Variants in PAFAH1B1 observed in about 807,000 individuals in gnomAD.
PAFAH1B1 encodes platelet activating factor acetylhydrolase 1b regulatory subunit 1.
In PAFAH1B1, 2 loss-of-function variants were observed where a neutral mutation model predicts 57.5. The ratio of observed to expected loss-of-function variants is 0.03; its 90% CI spans 0.01 to 0.11. PAFAH1B1 has a LOEUF of 0.11. PAFAH1B1 is among the 10% of genes least tolerant of loss of function. The pLI is 1.00. For missense variants in PAFAH1B1, 257 were observed against 512.0 expected (o/e 0.50, Z 4.81); for synonymous variants, 152 against 169.6 (o/e 0.90, Z 0.81).
chr17:2,677,510 C>T (rs2069288453), intron 9 of PAFAH1B1, among the ~76,000 whole-genome samples: 1 of 151,530 alleles, frequency 6.6e-6, no homozygotes, highest in Non-Finnish European at 1.5e-5. Flanking sequence ...GATTGTCTCT[C>T]TGTAGGATAT....
At chr17:2,633,961 C>CTTTTT in intron 1 of PAFAH1B1, among the ~76,000 whole-genome samples, 1 of 119,742 alleles carries the variant, frequency 8.4e-6, no homozygotes, top group Non-Finnish European at 1.7e-5. Context: ...AGTACCAAAC[C>CTTTTT]TTTTTTTTTT....
intron 4 of PAFAH1B1, 133 bp from the exon 5 acceptor site, chr17:2,666,859 A>G (rs962945396): frequency 4.7e-6 from 3 of 637,972 alleles, no homozygotes; most frequent in South Asian, 1.9e-5. Flanking sequence ...AAATTTGACA[A>G]ATGCTTTGGA....
At chr17:2,636,663 T>G (rs1348937326) in intron 1 of PAFAH1B1, among the ~76,000 whole-genome samples, 1 of 152,148 alleles carries the variant, frequency 6.6e-6, no homozygotes, top group Non-Finnish European at 1.5e-5. Context: ...CCTCCCAAAG[T>G]GCTAGGTTTG....
At chr17:2,616,919 A>T (rs1009355262) in intron 1 of PAFAH1B1, among the ~76,000 whole-genome samples, 6 of 152,034 alleles carry the variant, frequency 3.9e-5, no homozygotes, top group Non-Finnish European at 8.8e-5. Context: ...AAAAAAAAAA[A>T]AAAATTAGCC....
chr17:2,651,349 G>C (rs1201140476), intron 2 of PAFAH1B1, among the ~76,000 whole-genome samples: 2 of 150,838 alleles, frequency 1.3e-5, no homozygotes, highest in African/African-American at 4.9e-5. Flanking sequence ...GACTGAGGCA[G>C]GCGGAACACC....
At chr17:2,626,925 CT>C in intron 1 of PAFAH1B1, among the ~76,000 whole-genome samples, 1 of 152,170 alleles carries the variant, frequency 6.6e-6, no homozygotes, top group East Asian at 1.9e-4. Context: ...CCTTAGCCAA[CT>C]TTTTGATGGG....
intron 1 of PAFAH1B1, among the ~76,000 whole-genome samples, chr17:2,610,133 G>A (rs1410447354): frequency 6.6e-6 from 1 of 152,174 alleles, no homozygotes; most frequent in Non-Finnish European, 1.5e-5. Flanking sequence ...CAGTAATTTT[G>A]TTTTTAATTG....
rs770011553 is a variant in PAFAH1B1 at position 2,606,810 on chromosome 17, C to CTTTTTTTTTTTT, written c.-191+12820_-191+12831dup. Among the ~76,000 whole-genome samples, 5 of 101,714 alleles carry CTTTTTTTTTTTT rather than the reference C, an allele frequency of 4.9e-5. 2 individuals carry two copies. The highest frequency in any genetic ancestry group is 6.0e-5 in the Non-Finnish European group (3 of 50,330). 66.7% of individuals were successfully genotyped at this position (101,714 alleles called of 152,430 possible). Reference sequence around the variant, plus strand: ...ACATTTTGTCATATTTGCCTCAGAGCTTTTTTTTTTTTTTTTTTTTTTTTT... The same window carrying CTTTTTTTTTTTT: ...ACATTTTGTCATATTTGCCTCAGAGCTTTTTTTTTTTTTTTTTTTTTTTTTTTTTTTTTTTTT... On this transcript the variant is annotated intron_variant, in intron 1 of 10. Transcript: ENST00000397195.
At chr17:2,627,985 T>C (rs955924802) in intron 1 of PAFAH1B1, among the ~76,000 whole-genome samples, 3 of 152,214 alleles carry the variant, frequency 2.0e-5, no homozygotes, top group Admixed American at 1.3e-4. Flanking sequence ...CTGAGGAGTC[T>C]TTAGGGTTTT....
intron 1 of PAFAH1B1, among the ~76,000 whole-genome samples, chr17:2,617,330 G>A (rs187620122): frequency 1.8e-3 from 269 of 152,220 alleles, no homozygotes; most frequent in African/African-American, 5.9e-3. Flanking sequence ...TCGTAAAATA[G>A]GAAACATTTT....
At position 2,680,235 on chromosome 17, in the gene PAFAH1B1, T is replaced by C; in HGVS notation, c.1074T>C (p.Asp358=). ...SGGKFILSCA[D]DKTLRVWDYK... is the part of the protein sequence containing the mutation. ...GGAAGTTTATTTTGAGTTGTGCTGATGACAAGACCCTACGCGTATGGGATT... is the reference window on the plus strand; with the variant it reads ...GGAAGTTTATTTTGAGTTGTGCTGACGACAAGACCCTACGCGTATGGGATT... Residue 358 remains aspartate, a synonymous_variant, in exon 10 of 11, where the codon GAT becomes GAC. Coordinates refer to ENST00000397195, the MANE Select transcript of PAFAH1B1 (RefSeq NM_000430.4). 6.2e-7 allele frequency: 1 copy of C among 1,614,140 alleles called. No homozygotes were observed. The highest frequency in any genetic ancestry group is 8.5e-7 in the Non-Finnish European group (1 of 1,179,964).
rs762381672 is a variant in PAFAH1B1, at chr17:2,680,265, G to A, written c.1104G>A (p.Lys368=). 2 of 1,614,144 alleles carry A rather than the reference G, an allele frequency of 1.2e-6. No homozygotes were observed. Among genetic ancestry groups the A allele is most frequent in the Non-Finnish European group, 8.5e-7 (1 of 1,179,988 alleles). ...DDKTLRVWDY[K]NKRCMKTLNA... ...AGACCCTACGCGTATGGGATTACAA[G>A]AACAAGCGATGCATGAAGACCCTCA... is the stretch of plus-strand genomic sequence containing the variant. Residue 368 remains lysine (K), a synonymous_variant, in exon 10 of 11, where the codon AAG becomes AAA. Transcript: ENST00000397195.
intron 2 of PAFAH1B1, among the ~76,000 whole-genome samples, chr17:2,664,359 C>T (rs546238662): frequency 6.6e-6 from 1 of 151,824 alleles, no homozygotes; most frequent in East Asian, 1.9e-4. Flanking sequence ...TCTCCTGCCT[C>T]AGCTTCCCAA....
In PAFAH1B1 at chr17:2,681,944, TACAC is replaced by T; in HGVS notation, c.*146_*149del. The T allele has an allele frequency of 9.3e-6, 6 of 646,776 alleles. No homozygotes were observed. Among genetic ancestry groups the T allele is most frequent in the Non-Finnish European group, 1.6e-5 (6 of 372,654 alleles). The allele number at this position is 646,776 out of a possible 1,614,324, so 40.1% of individuals were successfully genotyped here. A position where few individuals can be genotyped will look rare whatever the true frequency, so the allele number is the denominator to read the frequency against. ...GATGTAGATTGAGCTTATTAAATGTTACACACAAAGTATTCATGCATGGTGAATC... is the reference window on the plus strand; with the variant it reads ...GATGTAGATTGAGCTTATTAAATGTTACAAAGTATTCATGCATGGTGAATC... On this transcript the variant is annotated 3_prime_UTR_variant, in exon 11 of 11. Coordinates refer to ENST00000397195, the MANE Select transcript of PAFAH1B1 (RefSeq NM_000430.4).
intron 2 of PAFAH1B1, among the ~76,000 whole-genome samples, chr17:2,645,448 C>T (rs908948150): frequency 1.3e-5 from 2 of 151,590 alleles, no homozygotes; most frequent in African/African-American, 2.4e-5. Context: ...CAAAAATTAG[C>T]TGGGCGTGAT....
chr17:2,629,166 T>C (rs1043731968), intron 1 of PAFAH1B1, among the ~76,000 whole-genome samples: 2 of 152,174 alleles, frequency 1.3e-5, no homozygotes, highest in Non-Finnish European at 1.5e-5. Context: ...CCTCTTTCTC[T>C]AGTTCCTTGA....
At chr17:2,670,510 A>T (rs113086120) in intron 6 of PAFAH1B1, 179 bp downstream of exon 6, 3 of 617,596 alleles carry the variant, frequency 4.9e-6, no homozygotes, top group Non-Finnish European at 8.6e-6. Flanking sequence ...GCTTTCTATT[A>T]GGAAGTTTTA....
chr17:2,613,237 G>C (rs2068288092), intron 1 of PAFAH1B1: 1 of 178,166 alleles, frequency 5.6e-6, no homozygotes, highest in African/African-American at 2.4e-5. Context: ...GGTGGCTCCT[G>C]GGAGTTTGTG....
chr17:2,628,935 T>C (rs1298543391), intron 1 of PAFAH1B1, among the ~76,000 whole-genome samples: 3 of 152,200 alleles, frequency 2.0e-5, no homozygotes, highest in Non-Finnish European at 4.4e-5. Flanking sequence ...AGTTGTAATA[T>C]CTCCTGTTTC....
Sources: gnomAD v4.1 joint callset for allele counts (sites outside exome capture counted in the v4.1 genomes callset) on GRCh38, gnomAD v4.1.1 for gene constraint, MANE v1.5 for transcripts, NCBI Gene and HGNC (gene_info 2026-07-23, HGNC 2026-07-21) for gene names.